Variants in ACAD11 observed in about 807,000 individuals in gnomAD.
ACAD11 encodes acyl-Coenzyme A dehydrogenase family, member 11.
ACAD11 carries 83 observed loss-of-function variants against 102.2 expected under a neutral mutation model. The observed-to-expected ratio is 0.81, with a 90% CI of 0.68 to 0.97. ACAD11 has a LOEUF of 0.97. Among genes scored for constraint, ACAD11 ranks in the 50% least tolerant of loss-of-function variants. The probability of loss-of-function intolerance (pLI) is 0.00; values close to 1 mark genes in which losing one functional copy is unlikely to be tolerated. For missense variants in ACAD11, 901 were observed against 951.7 expected (o/e 0.95, Z 0.70); for synonymous variants, 324 against 319.8 (o/e 1.01, Z -0.14).
intron 5 of ACAD11, among the ~76,000 whole-genome samples, chr3:132,638,100 G>C (rs528387843): frequency 6.6e-6 from 1 of 151,968 alleles, no homozygotes; most frequent in Non-Finnish European, 1.5e-5. Flanking sequence ...AAAATGAAGG[G>C]GAAAAAATGG....
intron 5 of ACAD11, among the ~76,000 whole-genome samples, chr3:132,638,481 A>G (rs1279544056): frequency 6.6e-6 from 1 of 152,242 alleles, no homozygotes; most frequent in Non-Finnish European, 1.5e-5. Context: ...TATGAGATGG[A>G]AATAGTTGCT....
chr3:132,582,731 G>A (rs1201842169), intron 13 of ACAD11, among the ~76,000 whole-genome samples: 1 of 151,866 alleles, frequency 6.6e-6, no homozygotes, highest in East Asian at 1.9e-4. Context: ...AGGGAGGGAA[G>A]GAGAGGAAGG....
intron 1 of ACAD11, among the ~76,000 whole-genome samples, chr3:132,658,008 C>T (rs1189901957): frequency 6.6e-6 from 1 of 151,744 alleles, no homozygotes; most frequent in African/African-American, 2.4e-5. Flanking sequence ...ACTACAGGCA[C>T]GTGCCACCAC....
chr3:132,616,953 T>C (rs1939431506), intron 11 of ACAD11, among the ~76,000 whole-genome samples: 1 of 152,222 alleles, frequency 6.6e-6, no homozygotes, highest in East Asian at 1.9e-4. Context: ...GCCAAAGCAA[T>C]GAGACAAAGT....
Position 132,628,438 on chromosome 3 carries a change from A to G in ACAD11, c.972T>C (p.Tyr324=). Residue 324 remains tyrosine, a synonymous_variant, in exon 8 of 20, where the codon TAT becomes TAC. Transcript: ENST00000264990. ...FKMAGIAQGV[Y]SRYLLGNNSS... is the part of the protein sequence containing the mutation. Reference sequence around the variant, plus strand: ...AATTATTTCCCAGAAGATATCTGCTATATACTCCCTATAAATAAACATAGA... The same window carrying G: ...AATTATTTCCCAGAAGATATCTGCTGTATACTCCCTATAAATAAACATAGA... 1.3e-6 allele frequency: 2 copies of G among 1,592,080 alleles called. No individual in the cohort carries two copies. Among genetic ancestry groups the G allele is most frequent in the East Asian group, 2.3e-5 (1 of 44,328 alleles).
chr3:132,564,550 T>C (rs1395027325), intron 17 of ACAD11, among the ~76,000 whole-genome samples: 1 of 152,220 alleles, frequency 6.6e-6, no homozygotes, highest in Non-Finnish European at 1.5e-5. Context: ...CTTTATGTGC[T>C]TTGTACACAT....
At chr3:132,607,305 G>A (rs529770295) in intron 11 of ACAD11, among the ~76,000 whole-genome samples, 178 of 152,216 alleles carry the variant, frequency 1.2e-3, no homozygotes, top group Non-Finnish European at 2.2e-3. Flanking sequence ...GCTTCAGAAG[G>A]TGAGTAATAA....
intron 17 of ACAD11, among the ~76,000 whole-genome samples, chr3:132,569,252 C>T (rs780266219): frequency 8.5e-5 from 13 of 152,056 alleles, no homozygotes; most frequent in Non-Finnish European, 1.5e-4. Flanking sequence ...GATTCACCAA[C>T]AGGGCAACTG....
chr3:132,591,817 G>A lies in ACAD11; in HGVS notation c.1621+11412C>T, dbSNP rs549616327. Among the ~76,000 whole-genome samples, 15 of 152,170 alleles carry A rather than the reference G, an allele frequency of 9.9e-5. No homozygotes were observed. In the South Asian group the frequency reaches 2.9e-3, roughly 29 times the overall value. On this transcript the variant is annotated intron_variant, in intron 13 of 19. Transcript: ENST00000264990. Reference sequence around the variant, plus strand: ...GAGATGGCAGGACTGCTTGAGCCCCGGGAAGTCAAGGTTGCAGTGAGCCGT... The same window carrying A: ...GAGATGGCAGGACTGCTTGAGCCCCAGGAAGTCAAGGTTGCAGTGAGCCGT...
In ACAD11 at chr3:132,585,191, A is replaced by G. The variant is rs140821028; in HGVS notation, c.1622-5633T>C. On this transcript the variant is annotated intron_variant, in intron 13 of 19. Transcript: ENST00000264990. Reference sequence around the variant, plus strand: ...ACAGAGCCCTCAGAAATAATGCCGCATATGTACAACTATCTGATCTTTGAC... The same window carrying G: ...ACAGAGCCCTCAGAAATAATGCCGCGTATGTACAACTATCTGATCTTTGAC... 2.5e-3 allele frequency among the ~76,000 whole-genome samples: 377 copies of G among 152,338 alleles called. 2 individuals are homozygous for G. Among genetic ancestry groups the G allele is most frequent in the African/African-American group, 8.6e-3 (357 of 41,578 alleles).
At chr3:132,634,272 A>C (rs1940179757) in intron 5 of ACAD11, among the ~76,000 whole-genome samples, 1 of 152,254 alleles carries the variant, frequency 6.6e-6, no homozygotes, top group African/African-American at 2.4e-5. Flanking sequence ...TCTCAAAAGA[A>C]GACATTTATG....
At chr3:132,560,817 A>G (rs1389105234) in intron 18 of ACAD11, among the ~76,000 whole-genome samples, 1 of 152,120 alleles carries the variant, frequency 6.6e-6, no homozygotes, top group East Asian at 1.9e-4. Context: ...AAAGTGGCAG[A>G]GTGGGTGCAG....
At chr3:132,633,690 T>C (rs1487470521) in intron 5 of ACAD11, among the ~76,000 whole-genome samples, 1 of 152,152 alleles carries the variant, frequency 6.6e-6, no homozygotes, top group African/African-American at 2.4e-5. Flanking sequence ...AACAGCATGG[T>C]ACTGGTACTA....
At chr3:132,620,155 A>C (rs1939555793) in intron 9 of ACAD11, among the ~76,000 whole-genome samples, 2 of 152,244 alleles carry the variant, frequency 1.3e-5, no homozygotes, top group South Asian at 4.1e-4. Flanking sequence ...AAGAAAATTT[A>C]AAAAGCAAAA....
chr3:132,644,096 A>G (rs996244945), intron 2 of ACAD11, among the ~76,000 whole-genome samples: 2 of 152,152 alleles, frequency 1.3e-5, no homozygotes, highest in African/African-American at 4.8e-5. Flanking sequence ...TAGAATCTAC[A>G]TTCTCTATTA....
intron 14 of ACAD11, chr3:132,579,110 C>T (rs1447101151): frequency 7.1e-7 from 1 of 1,411,740 alleles, no homozygotes; most frequent in Non-Finnish European, 9.4e-7. Context: ...TGAAGCTTCT[C>T]ACTGCTCAAC....
chr3:132,558,867 CCT>C lies in ACAD11; in HGVS notation c.*102_*103del. 1 of 777,060 alleles carries C rather than the reference CCT, an allele frequency of 1.3e-6. No homozygotes were observed. Among genetic ancestry groups the C allele is most frequent in the Non-Finnish European group, 2.1e-6 (1 of 470,702 alleles). 48.1% of individuals were successfully genotyped at this position (777,060 alleles called of 1,614,324 possible). The stretch of plus-strand genomic sequence containing the variant: ...TCTTTACCACAAATGAATAATTAAC[CCT>C]GTGCTCAAACTGCTACAAAAATATG... On this transcript the variant is annotated 3_prime_UTR_variant, in exon 20 of 20. Coordinates refer to ENST00000264990, the MANE Select transcript of ACAD11 (RefSeq NM_032169.5).
At chr3:132,632,808 G>A (rs1940103350) in intron 5 of ACAD11, among the ~76,000 whole-genome samples, 1 of 152,106 alleles carries the variant, frequency 6.6e-6, no homozygotes, top group Non-Finnish European at 1.5e-5. Flanking sequence ...CTTGTAAGTT[G>A]GATTCCTAGG....
intron 13 of ACAD11, chr3:132,601,099 A>G: frequency 6.2e-7 from 1 of 1,613,848 alleles, no homozygotes; most frequent in Non-Finnish European, 8.5e-7. Flanking sequence ...CAAACATTAA[A>G]ATATCTCGAC....
Sources: allele counts gnomAD v4.1 joint callset (sites outside exome capture counted in the v4.1 genomes callset), GRCh38; gene constraint gnomAD v4.1.1; transcripts MANE v1.5; gene names NCBI Gene and HGNC (gene_info 2026-07-23, HGNC 2026-07-21).